The following TSPAN14 variants were observed in gnomAD, a reference collection of about 807,000 sequenced individuals.
TSPAN14 encodes tetraspanin-14.
In TSPAN14, 16 loss-of-function variants were observed where a neutral mutation model predicts 36.6. The ratio of observed to expected loss-of-function variants is 0.44; its 90% CI spans 0.30 to 0.66. The LOEUF (loss-of-function observed/expected upper bound fraction) is 0.66, where lower values mean the gene tolerates loss of function less well. Ranked by LOEUF, TSPAN14 falls within the 30% of genes least tolerant of loss-of-function variation. The pLI is 0.12. For missense variants in TSPAN14, 231 were observed against 355.1 expected (o/e 0.65, Z 2.81); for synonymous variants, 139 against 143.8 (o/e 0.97, Z 0.24).
intron 2 of TSPAN14, among the ~76,000 whole-genome samples, chr10:80,496,791 A>G (rs1042348974): frequency 2.7e-5 from 4 of 149,468 alleles, no homozygotes; most frequent in South Asian, 2.1e-4. Flanking sequence ...TGTAGTTTCT[A>G]TTTCTAGTCG....
intron 7 of TSPAN14, among the ~76,000 whole-genome samples, chr10:80,514,442 G>A (rs770824275): frequency 2.0e-5 from 3 of 152,180 alleles, no homozygotes; most frequent in Admixed American, 6.5e-5. Context: ...TCTGGCCTCC[G>A]TGTGGAGGCA....
chr10:80,498,617 C>G (rs1177454956), intron 2 of TSPAN14, among the ~76,000 whole-genome samples: 2 of 152,172 alleles, frequency 1.3e-5, no homozygotes, highest in Non-Finnish European at 2.9e-5. Flanking sequence ...GTACAGAACA[C>G]CAGTGTCAAG....
At chr10:80,458,903 C>T (rs77538167) in intron 1 of TSPAN14, among the ~76,000 whole-genome samples, 1,784 of 151,158 alleles carry the variant, frequency 0.012, 31 homozygotes, top group African/African-American at 0.041. Context: ...GCAGAGTGGA[C>T]GGTGGTGAGG....
chr10:80,507,355 A>G (rs751652613), exon 4 of TSPAN14: 2 of 1,614,136 alleles, frequency 1.2e-6, no homozygotes, highest in South Asian at 1.1e-5. Context: ...CTGCGGGAGA[A>G]TATCTGCTTG....
exon 9 of TSPAN14, chr10:80,520,773 A>T (rs878967862): frequency 5.6e-6 from 3 of 533,404 alleles, no homozygotes; most frequent in South Asian, 4.2e-5. Context: ...TGCCCCACGT[A>T]GCTGAAAGCT....
chr10:80,472,540 CAA>C (rs1482229971), intron 1 of TSPAN14, among the ~76,000 whole-genome samples: 2 of 152,220 alleles, frequency 1.3e-5, no homozygotes, highest in African/African-American at 4.8e-5. Flanking sequence ...TATTTCACAT[CAA>C]ACTCATGACT....
At chr10:80,487,675 G>C (rs1847687673) in intron 1 of TSPAN14, among the ~76,000 whole-genome samples, 1 of 152,038 alleles carries the variant, frequency 6.6e-6, no homozygotes, top group Non-Finnish European at 1.5e-5. Context: ...GGCAACAGGT[G>C]GTTGTGTTCA....
exon 9 of TSPAN14, chr10:80,521,929 AAG>A: frequency 6.6e-6 from 1 of 151,838 alleles, no homozygotes; most frequent in South Asian, 2.1e-4. Flanking sequence ...AAAAAAAAAA[AAG>A]GCCCGTTCAT....
At chr10:80,480,276 A>G (rs1847183007) in intron 1 of TSPAN14, among the ~76,000 whole-genome samples, 1 of 151,592 alleles carries the variant, frequency 6.6e-6, no homozygotes, top group South Asian at 2.1e-4. Context: ...CTAATTGAAT[A>G]CCCTTTATTT....
chr10:80,515,657 G>C (rs1200258750), intron 7 of TSPAN14: 1 of 154,578 alleles, frequency 6.5e-6, no homozygotes, highest in Admixed American at 6.3e-5. Context: ...TGCCCTGTGT[G>C]GGGTGGGCAG....
At chr10:80,504,754 C>A (rs754677696) in exon 3 of TSPAN14, 1 of 1,614,146 alleles carries the variant, frequency 6.2e-7, no homozygotes, top group Non-Finnish European at 8.5e-7. Context: ...TCCTTGGAGT[C>A]GGGCTGTGGG....
intron 1 of TSPAN14, among the ~76,000 whole-genome samples, chr10:80,470,715 T>A (rs1243429064): frequency 6.6e-6 from 1 of 152,216 alleles, no homozygotes; most frequent in Non-Finnish European, 1.5e-5. Context: ...CAAAGTTTGT[T>A]TCTCCCCAAG....
intron 6 of TSPAN14, among the ~76,000 whole-genome samples, 198 bp from the exon 7 acceptor site, chr10:80,513,821 C>A (rs1840784610): frequency 6.6e-6 from 1 of 152,220 alleles, no homozygotes; most frequent in Non-Finnish European, 1.5e-5. Flanking sequence ...CTGAAGTACT[C>A]ACTCTCTAGC....
At chr10:80,519,185 A>C (rs962428597) in exon 9 of TSPAN14, 1 of 152,732 alleles carries the variant, frequency 6.5e-6, no homozygotes, top group Non-Finnish European at 1.5e-5. Flanking sequence ...GTTCTTCTGC[A>C]ACCACACCCC....
Position 80,504,806 on chromosome 10 carries a change from G to A in TSPAN14, c.132+28G>A, listed in dbSNP as rs745945300. 2.5e-6 allele frequency: 4 copies of A among 1,613,894 alleles called. No individual in the cohort carries two copies. In the East Asian group the frequency reaches 6.7e-5, roughly 27 times the overall value. ...AGGTGTAACTGTCGCAGGACACTGA[G>A]CTTCAGGCAGCCAAAACCAGATTCG... On this transcript the variant is annotated intron_variant, in intron 3 of 8. Transcript: ENST00000429989.
In TSPAN14 at chr10:80,512,282, G is replaced by A. The variant is rs1840703211; in HGVS notation, c.576+13G>A. 3.7e-6 allele frequency: 6 copies of A among 1,613,144 alleles called. No homozygotes were observed. Among genetic ancestry groups the A allele is most frequent in the Non-Finnish European group, 5.1e-6 (6 of 1,179,934 alleles). On this transcript the variant is annotated intron_variant, in intron 6 of 8. Coordinates refer to ENST00000429989, the Ensembl canonical transcript of TSPAN14. ...GCCAGATCCTGCGGTGAGTTGGCTT[G>A]TGCTGGGGCACAGGGAGCCCGCCCT...
chr10:80,503,476 C>G (rs1186019957), intron 2 of TSPAN14, among the ~76,000 whole-genome samples: 4 of 151,936 alleles, frequency 2.6e-5, no homozygotes, highest in African/African-American at 9.7e-5. Flanking sequence ...GGTCTTGGCC[C>G]TCCCTGGGCC....
In TSPAN14 at chr10:80,489,327, G is replaced by C. The variant is rs1847798632; in HGVS notation, c.81+13G>C. 1 of 1,501,934 alleles carries C rather than the reference G, an allele frequency of 6.7e-7. No individual in the cohort carries two copies. The highest frequency in any genetic ancestry group is 9.1e-7 in the Non-Finnish European group (1 of 1,097,718). 93.0% of individuals were successfully genotyped at this position (1,501,934 alleles called of 1,614,324 possible). ...CATCATCTTCTGGGTAAGTGGATGAGAGCTGCCACATTCCCTTGTTTAGTC... is the reference window on the plus strand; with the variant it reads ...CATCATCTTCTGGGTAAGTGGATGACAGCTGCCACATTCCCTTGTTTAGTC... On this transcript the variant is annotated intron_variant, in intron 2 of 8. Coordinates refer to ENST00000429989, the Ensembl canonical transcript of TSPAN14.
At chr10:80,521,969 T>C (rs971292488) in exon 9 of TSPAN14, 3 of 148,704 alleles carry the variant, frequency 2.0e-5, no homozygotes, top group Non-Finnish European at 4.4e-5. Context: ...GTCTCCAGGG[T>C]GCCTCAGGAA....
Sources: allele counts gnomAD v4.1 joint callset (sites outside exome capture counted in the v4.1 genomes callset), GRCh38; gene constraint gnomAD v4.1.1; transcripts MANE v1.5; gene names NCBI Gene and HGNC (gene_info 2026-07-23, HGNC 2026-07-21).